Variants in ADGRF4 observed in about 807,000 individuals in gnomAD.
ADGRF4 encodes the protein adhesion G protein-coupled receptor F4.
In ADGRF4, 63 loss-of-function variants were observed where a neutral mutation model predicts 58.5. That is an observed-to-expected ratio of 1.08 (90% confidence interval 0.88 to 1.33). The LOEUF (loss-of-function observed/expected upper bound fraction) is 1.33. Among genes scored for constraint, ADGRF4 ranks in the 40% most tolerant of loss-of-function variants. The probability of loss-of-function intolerance (pLI) is 0.00; values close to 1 mark genes in which losing one functional copy is unlikely to be tolerated. For synonymous variants in ADGRF4, 313 were observed against 295.4 expected (o/e 1.06, Z -0.61); for missense variants, 931 against 843.9 (o/e 1.10, Z -1.28).
chr6:47,700,385 G>A (rs1474184712), intron 1 of ADGRF4, among the ~76,000 whole-genome samples: 1 of 152,178 alleles, frequency 6.6e-6, no homozygotes, highest in Non-Finnish European at 1.5e-5. Flanking sequence ...TCAGAAAGAA[G>A]CTCCAGTACC....
chr6:47,705,934 T>G (rs1486863680), intron 1 of ADGRF4, among the ~76,000 whole-genome samples: 1 of 152,228 alleles, frequency 6.6e-6, no homozygotes, highest in Non-Finnish European at 1.5e-5. Context: ...AATAGCATCT[T>G]TTATTTCTGT....
chr6:47,719,806 G>T (rs1374830489), intron 9 of ADGRF4, among the ~76,000 whole-genome samples: 3 of 152,194 alleles, frequency 2.0e-5, no homozygotes, highest in African/African-American at 7.2e-5. Context: ...ACTTACTAGG[G>T]TTGGGGATGT....
At chr6:47,719,539 T>C (rs1013220765) in intron 9 of ADGRF4, among the ~76,000 whole-genome samples, 1 of 152,180 alleles carries the variant, frequency 6.6e-6, no homozygotes, top group Non-Finnish European at 1.5e-5. Flanking sequence ...TTGCCACTAA[T>C]AGAGAGTCAT....
At chr6:47,703,973 T>A (rs1771647382) in intron 1 of ADGRF4, among the ~76,000 whole-genome samples, 1 of 152,060 alleles carries the variant, frequency 6.6e-6, no homozygotes, top group Non-Finnish European at 1.5e-5. Context: ...CAAGGTTAGC[T>A]CAAAACAAAA....
At chr6:47,713,364 T>C (rs1251000752) in intron 5 of ADGRF4, among the ~76,000 whole-genome samples, 2 of 152,234 alleles carry the variant, frequency 1.3e-5, no homozygotes, top group Admixed American at 6.5e-5. Context: ...CAAGTTTCCA[T>C]ATGGCAGGAC....
chr6:47,713,231 A>T (rs1316161547), intron 5 of ADGRF4, among the ~76,000 whole-genome samples: 1 of 151,804 alleles, frequency 6.6e-6, no homozygotes, highest in Non-Finnish European at 1.5e-5. Flanking sequence ...CCCGGTGCCA[A>T]AAAGGTTGAG....
rs78934477 is a variant in ADGRF4 at position 47,719,916 on chromosome 6, G to T, written c.*4-1293G>T. Among the ~76,000 whole-genome samples, 47 of 152,286 alleles carry T rather than the reference G, an allele frequency of 3.1e-4. No individual in the cohort carries two copies. In the East Asian group the frequency reaches 8.3e-3, roughly 27 times the overall value. ...TCTTCATCACATAATTCTCTATCAA[G>T]TTGCTGTATTTTTGAAGCTACATGA... On this transcript the variant is annotated intron_variant, in intron 9 of 9. Coordinates refer to ENST00000283303, the MANE Select transcript of ADGRF4 (RefSeq NM_153838.5).
chr6:47,713,741 A>C (rs1253180069), intron 5 of ADGRF4, 57 bp from the exon 6 acceptor site: 1 of 1,342,432 alleles, frequency 7.4e-7, no homozygotes, highest in East Asian at 2.5e-5. Flanking sequence ...TTTAGAAATC[A>C]ACTTTGTACA....
intron 8 of ADGRF4, among the ~76,000 whole-genome samples, chr6:47,718,081 A>G (rs1293447543): frequency 1.3e-5 from 2 of 152,242 alleles, no homozygotes; most frequent in East Asian, 1.9e-4. Flanking sequence ...ATCATAATTT[A>G]TCTATTCTAA....
chr6:47,713,743 C>G, intron 5 of ADGRF4, 55 bp from the exon 6 acceptor site: 1 of 1,357,364 alleles, frequency 7.4e-7, no homozygotes, highest in Non-Finnish European at 9.8e-7. Flanking sequence ...TAGAAATCAA[C>G]TTTGTACAAC....
At chr6:47,703,663 A>G (rs1299776034) in intron 1 of ADGRF4, among the ~76,000 whole-genome samples, 3 of 152,226 alleles carry the variant, frequency 2.0e-5, no homozygotes, top group Admixed American at 6.5e-5. Flanking sequence ...AATTAATCAA[A>G]ACCCTTCAGC....
At chr6:47,699,928 GAC>G (rs761523873) in intron 1 of ADGRF4, among the ~76,000 whole-genome samples, 3 of 117,718 alleles carry the variant, frequency 2.5e-5, no homozygotes, top group Non-Finnish European at 3.5e-5. Context: ...ACACACAGAC[GAC>G]ACACCCCCCC....
intron 1 of ADGRF4, among the ~76,000 whole-genome samples, chr6:47,706,443 A>G (rs1221864766): frequency 6.6e-6 from 1 of 152,142 alleles, no homozygotes; most frequent in African/African-American, 2.4e-5. Flanking sequence ...TATTAATTTC[A>G]CTTTAAGTTA....
chr6:47,721,227 G>A lies in ADGRF4; in HGVS notation c.*22G>A, dbSNP rs1254570682. 1 of 152,128 alleles carries A rather than the reference G, an allele frequency of 6.6e-6. No homozygotes were observed. The highest frequency in any genetic ancestry group is 1.5e-5 in the Non-Finnish European group (1 of 68,036). The allele number at this position is 152,128 out of a possible 1,614,324, so 9.4% of individuals were successfully genotyped here. A position where few individuals can be genotyped will look rare whatever the true frequency, so the allele number is the denominator to read the frequency against. On this transcript the variant is annotated 3_prime_UTR_variant, in exon 10 of 10. Coordinates refer to ENST00000283303, the MANE Select transcript of ADGRF4 (RefSeq NM_153838.5). ...TTCCCAGGCTGCCCCATTTCTCATG[G>A]ATGTCCTGAGACCAAGAGGGGAGAT...
At chr6:47,704,760 T>G (rs931551075) in intron 1 of ADGRF4, among the ~76,000 whole-genome samples, 1 of 152,092 alleles carries the variant, frequency 6.6e-6, no homozygotes. Context: ...AGTTCTTGCT[T>G]GTAGGTAGCA....
intron 6 of ADGRF4, among the ~76,000 whole-genome samples, chr6:47,716,287 G>C (rs898853058): frequency 1.3e-5 from 2 of 151,958 alleles, no homozygotes; most frequent in Non-Finnish European, 2.9e-5. Context: ...AAAGACCCTA[G>C]CCTTATAAAT....
Position 47,707,266 on chromosome 6 carries a change from A to G in ADGRF4, c.21A>G (p.Ala7=), listed in dbSNP as rs763125726. 6.2e-7 allele frequency: 1 copy of G among 1,612,806 alleles called. No individual in the cohort carries two copies. Among genetic ancestry groups the G allele is most frequent in the South Asian group, 1.1e-5 (1 of 91,070 alleles). Reference sequence around the variant, plus strand: ...CATGTATGAAAATGAAGTCCCAGGCAACCATGATTTGCTGCTTAGTGTTCT... The same window carrying G: ...CATGTATGAAAATGAAGTCCCAGGCGACCATGATTTGCTGCTTAGTGTTCT... MKMKSQ[A]TMICCLVFFL... Residue 7 remains alanine (A), a synonymous_variant, in exon 2 of 10, where the codon GCA becomes GCG. Transcript: ENST00000283303.
intron 7 of ADGRF4, 24 bp downstream of exon 7, chr6:47,716,871 T>G (rs751568336): frequency 6.5e-7 from 1 of 1,531,388 alleles, no homozygotes; most frequent in Admixed American, 1.8e-5. Flanking sequence ...GCTTCCTCCT[T>G]ATAAATGGTT....
chr6:47,712,243 G>A, intron 4 of ADGRF4, 114 bp from the exon 5 acceptor site: 1 of 1,005,276 alleles, frequency 9.9e-7, no homozygotes, highest in South Asian at 1.6e-5. Context: ...CACTTTTTAG[G>A]ACTCTTTGCT....
Sources: allele counts gnomAD v4.1 joint callset (sites outside exome capture counted in the v4.1 genomes callset), GRCh38; gene constraint gnomAD v4.1.1; transcripts MANE v1.5; gene names NCBI Gene and HGNC (gene_info 2026-07-23, HGNC 2026-07-21).